Variants in ERCC6L2 observed in about 807,000 individuals in gnomAD.
ERCC6L2 encodes the protein DNA excision repair protein ERCC-6-like 2.
Under a neutral mutation model 132.0 loss-of-function variants are expected in ERCC6L2, and 77 were observed. The ratio of observed to expected loss-of-function variants is 0.58; its 90% CI spans 0.49 to 0.71. ERCC6L2 has a LOEUF of 0.71. ERCC6L2 is among the 30% of genes least tolerant of loss of function. ERCC6L2 has a pLI of 0.00. For missense variants in ERCC6L2, 1,542 were observed against 1,837.6 expected (o/e 0.84, Z 2.94); for synonymous variants, 583 against 632.4 (o/e 0.92, Z 1.17).
At position 95,915,710 on chromosome 9, in the gene ERCC6L2, C is replaced by T. The variant is rs1829550942; in HGVS notation, c.831C>T (p.Ile277=). Residue 277 remains isoleucine, a synonymous_variant, in exon 5 of 19, where the codon ATC becomes ATT. Transcript: ENST00000653738. The stretch of plus-strand genomic sequence containing the variant: ...TCATTGTGGATGAAGCTCATAGAAT[C>T]AAGAATCCAAAAGCTAGAGTAACAG... ...SAVIVDEAHR[I]KNPKARVTEV... 1 of 1,613,576 alleles carries T rather than the reference C, an allele frequency of 6.2e-7. No homozygotes were observed. The highest frequency in any genetic ancestry group is 1.1e-5 in the South Asian group (1 of 91,018).
intron 15 of ERCC6L2, among the ~76,000 whole-genome samples, 175 bp downstream of exon 15, chr9:95,970,831 A>T (rs990545196): frequency 2.0e-5 from 3 of 152,170 alleles, no homozygotes; most frequent in African/African-American, 7.2e-5. Context: ...TTTAACATTC[A>T]TATTATAAGA....
At chr9:95,960,391 G>C (rs191489136) in intron 13 of ERCC6L2, among the ~76,000 whole-genome samples, 3 of 152,114 alleles carry the variant, frequency 2.0e-5, no homozygotes, top group Admixed American at 2.0e-4. Flanking sequence ...ATTGTAAATG[G>C]TACTTTATAT....
chr9:96,021,465 G>A (rs1019975681), downstream of ERCC6L2: 4 of 197,396 alleles, frequency 2.0e-5, no homozygotes, highest in African/African-American at 9.6e-5. The surrounding 1 kb of genome is among the most constrained non-coding windows in gnomAD (Gnocchi z 4.7). Context: ...CCTCTGCGGG[G>A]TCCGCCCCTC....
chr9:96,032,280 G>A (rs930734812), intron 19 of ERCC6L2, among the ~76,000 whole-genome samples: 6 of 152,308 alleles, frequency 3.9e-5, no homozygotes, highest in African/African-American at 1.4e-4. Context: ...CCAGGAACGA[G>A]CAGCTCCACT....
At chr9:96,036,830 G>A (rs1192504513) in intron 19 of ERCC6L2, among the ~76,000 whole-genome samples, 1 of 147,184 alleles carries the variant, frequency 6.8e-6, no homozygotes, top group African/African-American at 2.5e-5. Context: ...GCAGTGGCGG[G>A]ATCTCGGCTC....
At chr9:95,900,558 T>C (rs1232283224) in intron 3 of ERCC6L2, among the ~76,000 whole-genome samples, 1 of 152,224 alleles carries the variant, frequency 6.6e-6, no homozygotes, top group Non-Finnish European at 1.5e-5. Context: ...TAGCTATTGT[T>C]GGGGCTCAGG....
chr9:96,004,713 C>G lies in ERCC6L2; in HGVS notation c.3674+12C>G, dbSNP rs1284399309. ...AAAGGAATCCGCAGGTATATTGTCTCTGACAATACTATACTTGAAGAATAA... is the reference window on the plus strand; with the variant it reads ...AAAGGAATCCGCAGGTATATTGTCTGTGACAATACTATACTTGAAGAATAA... On this transcript the variant is annotated intron_variant, in intron 18 of 18. Coordinates refer to ENST00000653738, the MANE Select transcript of ERCC6L2 (RefSeq NM_020207.7). The G allele has an allele frequency of 3.1e-6, 4 of 1,308,424 alleles. No individual in the cohort carries two copies. Among genetic ancestry groups the G allele is most frequent in the South Asian group, 2.4e-5 (2 of 81,744 alleles). 81.1% of individuals were successfully genotyped at this position (1,308,424 alleles called of 1,614,324 possible).
rs1481535481 is a variant in ERCC6L2 at position 95,875,870 on chromosome 9, C to G, written c.-169C>G. ...TGGGTCCCCTTAGTCGCTACCTTTG[C>G]TGGGATCCCCCTCCTCCATCCTGTG... On this transcript the variant is annotated 5_prime_UTR_variant, in exon 1 of 19. Transcript: ENST00000653738. 1.4e-5 allele frequency: 9 copies of G among 666,658 alleles called. No homozygotes were observed. The highest frequency in any genetic ancestry group is 2.3e-5 in the Non-Finnish European group (9 of 389,696). The allele number at this position is 666,658 out of a possible 1,614,324, so 41.3% of individuals were successfully genotyped here.
intron 19 of ERCC6L2, among the ~76,000 whole-genome samples, chr9:96,023,928 C>G (rs568079531): frequency 6.6e-6 from 1 of 152,134 alleles, no homozygotes; most frequent in Non-Finnish European, 1.5e-5. Context: ...AAAGGGGACC[C>G]GGGAGCATAA....
chr9:95,907,344 T>G, intron 4 of ERCC6L2, 73 bp downstream of exon 4: 1 of 1,130,206 alleles, frequency 8.8e-7, no homozygotes, highest in Non-Finnish European at 1.2e-6. Context: ...AAGAGTTTTT[T>G]TTTTTTTTTT....
chr9:96,013,419 A>T lies in ERCC6L2; in HGVS notation c.*216A>T. ...GAATATGATTGTATTTATAGTATAA[A>T]CCTCTGTTATGAATTAGAAAAGATT... is the stretch of plus-strand genomic sequence containing the variant. On this transcript the variant is annotated 3_prime_UTR_variant, in exon 19 of 19. Coordinates refer to ENST00000653738, the MANE Select transcript of ERCC6L2 (RefSeq NM_020207.7). The T allele has an allele frequency of 3.6e-6, 1 of 279,724 alleles. No homozygotes were observed. The allele number at this position is 279,724 out of a possible 1,614,324, so 17.3% of individuals were successfully genotyped here.
intron 14 of ERCC6L2, chr9:95,968,518 T>G (rs897453732): frequency 6.6e-6 from 1 of 152,186 alleles, no homozygotes; most frequent in Admixed American, 6.6e-5. Flanking sequence ...ATTAGCCCCA[T>G]ATAATGGGAG....
At position 95,896,444 on chromosome 9, in the gene ERCC6L2, C is replaced by G. The variant is rs534252373; in HGVS notation, c.472-1405C>G. Among the ~76,000 whole-genome samples, 295 of 143,244 alleles carry G rather than the reference C, an allele frequency of 2.1e-3. 1 individual carries two copies. The highest frequency in any genetic ancestry group is 7.4e-3 in the African/African-American group (282 of 38,148). The allele number at this position is 143,244 out of a possible 152,430, so 94.0% of individuals were successfully genotyped here. Reference sequence around the variant, plus strand: ...TTGATTTTTTTTTTTTATTTTGAGACAGGGTCTTGCTGTGTGGCCCAGGCT... The same window carrying G: ...TTGATTTTTTTTTTTTATTTTGAGAGAGGGTCTTGCTGTGTGGCCCAGGCT... On this transcript the variant is annotated intron_variant, in intron 2 of 18. Coordinates refer to ENST00000653738, the MANE Select transcript of ERCC6L2 (RefSeq NM_020207.7).
At position 95,996,002 on chromosome 9, in the gene ERCC6L2, C is replaced by T. The variant is rs529163830; in HGVS notation, c.3493-8518C>T. 3.3e-5 allele frequency among the ~76,000 whole-genome samples: 5 copies of T among 152,330 alleles called. No homozygotes were observed. In the South Asian group the frequency reaches 1.0e-3, roughly 32 times the overall value. On this transcript the variant is annotated intron_variant, in intron 17 of 18. Transcript: ENST00000653738. ...TTTAAAGGAAGAGTCTCACATCTCTCACATCAAAAGCTAGAAATGATGACG... is the reference window on the plus strand; with the variant it reads ...TTTAAAGGAAGAGTCTCACATCTCTTACATCAAAAGCTAGAAATGATGACG...
intron 3 of ERCC6L2, among the ~76,000 whole-genome samples, chr9:95,905,819 G>T (rs748671071): frequency 1.3e-5 from 2 of 152,150 alleles, no homozygotes; most frequent in African/African-American, 2.4e-5. Flanking sequence ...ATGTTTCACA[G>T]AAAACAGAGC....
intron 15 of ERCC6L2, among the ~76,000 whole-genome samples, chr9:95,971,042 G>A (rs1351146927): frequency 2.0e-5 from 3 of 152,096 alleles, no homozygotes; most frequent in Non-Finnish European, 4.4e-5. Context: ...TAACCTGAAA[G>A]TAGATATTTG....
chr9:95,910,959 G>A (rs1402654995), intron 4 of ERCC6L2, among the ~76,000 whole-genome samples: 1 of 152,162 alleles, frequency 6.6e-6, no homozygotes, highest in Non-Finnish European at 1.5e-5. Flanking sequence ...TGTTGCCCAG[G>A]CTGGAGTGCA....
chr9:96,028,201 T>C (rs1052222573), intron 19 of ERCC6L2, among the ~76,000 whole-genome samples: 1 of 152,090 alleles, frequency 6.6e-6, no homozygotes, highest in Non-Finnish European at 1.5e-5. Context: ...AGTCCCTATC[T>C]GTGCATTAAA....
rs558663065 is a variant in ERCC6L2, at chr9:95,876,133, G to T, written c.46+49G>T. On this transcript the variant is annotated intron_variant, in intron 1 of 18. Coordinates refer to ENST00000653738, the MANE Select transcript of ERCC6L2 (RefSeq NM_020207.7). ...TACGCAGAGGCCTGTGTACTGCGTC[G>T]CGTTGGACCAGTTCTTGCCGGTGCC... 2.7e-4 allele frequency: 409 copies of T among 1,506,578 alleles called. 6 individuals carry two copies. The South Asian group carries it at 4.9e-3, about 18-fold the overall frequency. The allele number at this position is 1,506,578 out of a possible 1,614,324, so 93.3% of individuals were successfully genotyped here.
Sources: allele counts gnomAD v4.1 joint callset (sites outside exome capture counted in the v4.1 genomes callset), GRCh38; gene constraint gnomAD v4.1.1; non-coding constraint Gnocchi (gnomAD v3.1); transcripts MANE v1.5; gene names NCBI Gene and HGNC (gene_info 2026-07-23, HGNC 2026-07-21).